Variants in ZNF18 observed in about 807,000 individuals in gnomAD.
ZNF18 encodes zinc finger protein 18.
ZNF18 carries 42 observed loss-of-function variants against 58.1 expected under a neutral mutation model. The ratio of observed to expected loss-of-function variants is 0.72; its 90% CI spans 0.56 to 0.93. ZNF18 has a LOEUF of 0.93. Among genes scored for constraint, ZNF18 ranks in the 40% least tolerant of loss-of-function variants. The pLI is 0.00. For missense variants in ZNF18, 540 were observed against 644.2 expected (o/e 0.84, Z 1.75); for synonymous variants, 231 against 239.8 (o/e 0.96, Z 0.34).
intron 2 of ZNF18, among the ~76,000 whole-genome samples, chr17:11,992,045 T>C (rs1968161904): frequency 6.6e-6 from 1 of 152,222 alleles, no homozygotes; most frequent in African/African-American, 2.4e-5. Context: ...TCTCTGGCTG[T>C]TAATGAGTTG....
chr17:11,997,529 A>C (rs1968556151), upstream of ZNF18: 2 of 152,164 alleles, frequency 1.3e-5, no homozygotes, highest in Non-Finnish European at 2.9e-5. Context: ...GGGCGGAGCT[A>C]GGGGGCGGGG....
intron 6 of ZNF18, among the ~76,000 whole-genome samples, chr17:11,981,409 T>G (rs1967337092): frequency 6.7e-6 from 1 of 148,572 alleles, no homozygotes; most frequent in Admixed American, 6.8e-5. Context: ...AACCTCCGCC[T>G]CCCAGGTTCA....
the ZNF18 span, among the ~76,000 whole-genome samples, chr17:12,008,578 C>T: frequency 2.0e-4 from 30 of 152,204 alleles, no homozygotes; most frequent in Non-Finnish European, 2.8e-4. Flanking sequence ...AGCAAGTTTG[C>T]GCTCAAATAT....
the ZNF18 span, chr17:12,009,180 C>T: frequency 1.3e-5 from 2 of 152,270 alleles, no homozygotes; most frequent in East Asian, 3.9e-4. Flanking sequence ...ATTATCTTAG[C>T]TTTCCTTCAC....
intron 3 of ZNF18, 66 bp downstream of exon 3, chr17:11,990,908 C>T (rs1251485413): frequency 2.0e-6 from 3 of 1,530,756 alleles, no homozygotes; most frequent in Non-Finnish European, 1.8e-6. Flanking sequence ...CATTTCAACT[C>T]ACTTAGGCCT....
chr17:11,987,271 G>C (rs1289751050), intron 4 of ZNF18, among the ~76,000 whole-genome samples: 2 of 152,200 alleles, frequency 1.3e-5, no homozygotes, highest in Non-Finnish European at 2.9e-5. Context: ...GTCTATGTGA[G>C]GTTCCAACCG....
At chr17:11,983,692 A>G (rs2151474147) in intron 5 of ZNF18, among the ~76,000 whole-genome samples, 1 of 152,192 alleles carries the variant, frequency 6.6e-6, no homozygotes, top group East Asian at 1.9e-4. Flanking sequence ...GGATCCCACC[A>G]ATGGTTGGTT....
In ZNF18 at chr17:11,978,481, T is replaced by A. The variant is rs1436409811; in HGVS notation, c.1126A>T (p.Asn376Tyr). 1 of 1,598,402 alleles carries A rather than the reference T, an allele frequency of 6.3e-7. No homozygotes were observed. Among genetic ancestry groups the A allele is most frequent in the South Asian group, 1.1e-5 (1 of 88,596 alleles). Residue 376 changes from asparagine to tyrosine, a missense_variant, in exon 7 of 7, where the codon AAT (asparagine) becomes TAT (tyrosine). Transcript: ENST00000580306. ...GTGGACATTTCTCCTGAATGAGGAT[T>A]AGGCAAATGCTGACCTAGTTGTTTC... ...SEKQLGQHLP[N>Y]PHSGEMSTMW...
At chr17:12,003,051 G>A in the ZNF18 span, among the ~76,000 whole-genome samples, 4 of 152,212 alleles carry the variant, frequency 2.6e-5, no homozygotes, top group Admixed American at 2.6e-4. Context: ...TGTCTTTTAA[G>A]GACTATTGAG....
intron 6 of ZNF18, 135 bp downstream of exon 6, chr17:11,983,162 A>G: frequency 1.6e-6 from 1 of 616,340 alleles, no homozygotes; most frequent in East Asian, 2.8e-5. Context: ...AATCAAACCA[A>G]TCAGATCATG....
In ZNF18 at chr17:11,984,201, GAAAAAA is replaced by G. The variant is rs34299203; in HGVS notation, c.667-10_667-5del. On this transcript the variant is annotated splice_region_variant and splice_polypyrimidine_tract_variant and intron_variant, in intron 4 of 6. Coordinates refer to ENST00000580306, the MANE Select transcript of ZNF18 (RefSeq NM_001303281.2). Reference sequence around the variant, plus strand: ...AATCCAGTTGTCTCCACTGTTCCTGGAAAAAAAAAAAAAAAAGCAATACAATACCAT... The same window carrying G: ...AATCCAGTTGTCTCCACTGTTCCTGGAAAAAAAAAAGCAATACAATACCAT... 6.1e-6 allele frequency: 9 copies of G among 1,476,226 alleles called. No individual in the cohort carries two copies. The highest frequency in any genetic ancestry group is 1.6e-5 in the African/African-American group (1 of 63,510). The allele number at this position is 1,476,226 out of a possible 1,614,324, so 91.4% of individuals were successfully genotyped here.
upstream of ZNF18, among the ~76,000 whole-genome samples, chr17:12,002,035 A>C (rs778723624): frequency 3.0e-4 from 46 of 152,166 alleles, no homozygotes; most frequent in Non-Finnish European, 6.6e-4. Flanking sequence ...GAAAGAAAGA[A>C]AGGATGAAAG....
At chr17:11,989,487 G>C (rs1967965252) in intron 4 of ZNF18, among the ~76,000 whole-genome samples, 1 of 152,100 alleles carries the variant, frequency 6.6e-6, no homozygotes, top group Non-Finnish European at 1.5e-5. Context: ...ATATGTTCAA[G>C]AAGCTAGAGA....
chr17:12,002,714 T>C, the ZNF18 span, among the ~76,000 whole-genome samples: 1 of 152,188 alleles, frequency 6.6e-6, no homozygotes, highest in African/African-American at 2.4e-5. Flanking sequence ...CAAACTATCA[T>C]GGGAGATACT....
In ZNF18 at chr17:11,994,774, G is replaced by T. The variant is rs536624458; in HGVS notation, c.-82-1863C>A. ...GAGAATGGCATGAACCTGGGAGGCA[G>T]AGCTTGCAGTGAGCTGAGATCGTGC... On this transcript the variant is annotated intron_variant, in intron 1 of 6. Transcript: ENST00000580306. Among the ~76,000 whole-genome samples, 51 of 152,300 alleles carry T rather than the reference G, an allele frequency of 3.3e-4. No homozygotes were observed. The East Asian group carries it at 9.7e-3, about 29-fold the overall frequency.
At chr17:12,000,108 A>T (rs1042602813), upstream of ZNF18, among the ~76,000 whole-genome samples, 1 of 152,086 alleles carries the variant, frequency 6.6e-6, no homozygotes, top group African/African-American at 2.4e-5. Flanking sequence ...TTTAGCAGAG[A>T]TGAAGTTTCA....
intron 2 of ZNF18, 42 bp from the exon 3 acceptor site, chr17:11,991,205 A>T: frequency 6.5e-7 from 1 of 1,534,134 alleles, no homozygotes; most frequent in Non-Finnish European, 8.9e-7. Flanking sequence ...AAGAATCCAG[A>T]GTAAGGATCT....
the ZNF18 span, among the ~76,000 whole-genome samples, chr17:12,016,554 T>C: frequency 6.6e-6 from 1 of 151,908 alleles, no homozygotes; most frequent in African/African-American, 2.4e-5. Context: ...GGTTTTGAAC[T>C]CCTGACCTCA....
chr17:12,010,776 C>T, the ZNF18 span: 2 of 366,782 alleles, frequency 5.5e-6, no homozygotes, highest in African/African-American at 2.1e-5. Context: ...GTTCCAGCAC[C>T]TCAGGCTTCT....
Sources: gnomAD v4.1 joint callset for allele counts (sites outside exome capture counted in the v4.1 genomes callset) on GRCh38, gnomAD v4.1.1 for gene constraint, MANE v1.5 for transcripts, NCBI Gene and HGNC (gene_info 2026-07-23, HGNC 2026-07-21) for gene names.